RBM26: variants seen among roughly 807,000 people sequenced by gnomAD.
RBM26 encodes the protein RNA-binding protein 26.
Under a neutral mutation model 123.6 loss-of-function variants are expected in RBM26, and 30 were observed. The observed-to-expected ratio is 0.24, with a 90% confidence interval of 0.18 to 0.33. The LOEUF is 0.33. Ranked by LOEUF, RBM26 falls within the 10% of genes least tolerant of loss-of-function variation. The pLI is 1.00. For missense variants in RBM26, 947 were observed against 1,203.6 expected, an observed-to-expected ratio of 0.79 and a Z score of 3.15; for synonymous variants, 400 against 404.4, an observed-to-expected ratio of 0.99 and a Z score of 0.13.
intron 20 of RBM26, among the ~76,000 whole-genome samples, chr13:79,323,618 C>T (rs965626110): frequency 6.6e-6 from 1 of 151,592 alleles, no homozygotes; most frequent in Non-Finnish European, 1.5e-5. Context: ...CTCATCCTTA[C>T]ATTCAGCTAA....
intron 9 of RBM26, among the ~76,000 whole-genome samples, chr13:79,365,208 C>T (rs1247514809): frequency 6.6e-6 from 1 of 152,132 alleles, no homozygotes; most frequent in African/African-American, 2.4e-5. Flanking sequence ...TTTGGGAAGC[C>T]AAGGCGGGCG....
At chr13:79,371,998 G>C in intron 3 of RBM26, 68 bp from the exon 4 acceptor site, 1 of 1,139,422 alleles carries the variant, frequency 8.8e-7, no homozygotes, top group Non-Finnish European at 1.3e-6. Context: ...GCCTTAGATA[G>C]GGCTGGGCAC....
At chr13:79,344,943 C>T (rs746891972) in intron 14 of RBM26, 149 bp from the exon 15 acceptor site, 2 of 675,278 alleles carry the variant, frequency 3.0e-6, no homozygotes, top group Non-Finnish European at 4.5e-6. Context: ...ATAACGAAAT[C>T]ATATTTGGTG....
At chr13:79,372,925 ATATAT>A (rs2076117152) in intron 3 of RBM26, among the ~76,000 whole-genome samples, 1 of 54,810 alleles carries the variant, frequency 1.8e-5, no homozygotes, top group Non-Finnish European at 3.2e-5. Flanking sequence ...ATTTTATATA[ATATAT>A]AAGATATATC....
At position 79,367,406 on chromosome 13, in the gene RBM26, C is replaced by CAAAAAAAAAAAAAAAAAAAAA. The variant is rs776345304; in HGVS notation, c.896-555_896-535dup. Among the ~76,000 whole-genome samples, 168 of 39,602 alleles carry CAAAAAAAAAAAAAAAAAAAAA rather than the reference C, an allele frequency of 4.2e-3. 10 individuals carry two copies. The highest frequency in any genetic ancestry group is 8.4e-3 in the Non-Finnish European group (131 of 15,616). 26.0% of individuals were successfully genotyped at this position (39,602 alleles called of 152,430 possible). On this transcript the variant is annotated intron_variant, in intron 6 of 21. Coordinates refer to ENST00000438737, the MANE Select transcript of RBM26 (RefSeq NM_001366735.2). The stretch of plus-strand genomic sequence containing the variant: ...TGGGGTATAGGGGGAGACTCCATCT[C>CAAAAAAAAAAAAAAAAAAAAA]AAAAAAAAAAAAAAAAAAAAAAAAA...
chr13:79,369,652 T>C (rs1771679869), intron 5 of RBM26, among the ~76,000 whole-genome samples: 1 of 152,216 alleles, frequency 6.6e-6, no homozygotes, highest in African/African-American at 2.4e-5. Flanking sequence ...GGTGCTTTAC[T>C]GAAAAGTGTT....
intron 20 of RBM26, 39 bp from the exon 21 acceptor site, chr13:79,322,501 A>C: frequency 7.2e-7 from 1 of 1,383,370 alleles, no homozygotes; most frequent in South Asian, 1.4e-5. Flanking sequence ...AGACATTAAA[A>C]ATTTCTGAAG....
intron 1 of RBM26, among the ~76,000 whole-genome samples, chr13:79,400,019 T>C (rs1309086860): frequency 6.6e-6 from 1 of 152,078 alleles, no homozygotes; most frequent in Admixed American, 6.6e-5. Context: ...AAATGCAGAG[T>C]AGAGGTTCTA....
chr13:79,354,560 G>A lies in RBM26; in HGVS notation c.1865C>T (p.Pro622Leu). 6.3e-7 allele frequency: 1 copy of A among 1,597,048 alleles called. No individual in the cohort carries two copies. Among genetic ancestry groups the A allele is most frequent in the Non-Finnish European group, 8.6e-7 (1 of 1,168,890 alleles). Reference sequence around the variant, plus strand: ...AGGCAAAATGGGCTGCTGGACTAAAGGCTGCATTACCTCAGAACAAGGAAA... The same window carrying A: ...AGGCAAAATGGGCTGCTGGACTAAAAGCTGCATTACCTCAGAACAAGGAAA... ...LQTTSPKVMQPLVQQPILPVV... is the reference protein window; with the variant it reads ...LQTTSPKVMQLLVQQPILPVV... Residue 622 changes from proline (P) to leucine (L), a missense_variant, in exon 13 of 22, where the codon CCT (proline) becomes CTT (leucine). Physicochemically the swap from Pro to Leu is moderately conservative, Grantham distance 98 (BLOSUM62 -3). Around this residue, in one of 5 missense-constraint regions of RBM26, gnomAD observed 493 missense variants for 563.1 expected, o/e 0.88. Coordinates refer to ENST00000438737, the MANE Select transcript of RBM26 (RefSeq NM_001366735.2).
chr13:79,315,411 G>T (rs2067054694), downstream of RBM26, among the ~76,000 whole-genome samples: 1 of 151,788 alleles, frequency 6.6e-6, no homozygotes, highest in Non-Finnish European at 1.5e-5. Context: ...CAAAGTAATT[G>T]CAAGATACAT....
chr13:79,377,710 T>C (rs1327625038), intron 2 of RBM26, among the ~76,000 whole-genome samples, 195 bp from the exon 3 acceptor site: 1 of 152,096 alleles, frequency 6.6e-6, no homozygotes, highest in Non-Finnish European at 1.5e-5. Context: ...GTGGATCACC[T>C]GAGGTCAGGA....
At chr13:79,356,863 G>T (rs1594270517) in intron 11 of RBM26, among the ~76,000 whole-genome samples, 2 of 152,178 alleles carry the variant, frequency 1.3e-5, no homozygotes, top group African/African-American at 4.8e-5. Flanking sequence ...TTGCCCCTCA[G>T]CTTTAAAAAA....
chr13:79,316,989 T>A (rs9545063), downstream of RBM26, among the ~76,000 whole-genome samples: 53,868 of 151,074 alleles, frequency 0.36, 11,338 homozygotes, highest in Middle Eastern at 0.51. Context: ...TGTTTTTTTT[T>A]TAAAAAAGAG....
chr13:79,405,747 A>G lies in RBM26; in HGVS notation c.28T>C (p.Phe10Leu). 1 of 1,599,336 alleles carries G rather than the reference A, an allele frequency of 6.3e-7. No individual in the cohort carries two copies. The highest frequency in any genetic ancestry group is 8.5e-7 in the Non-Finnish European group (1 of 1,172,498). The change falls in exon 1 of 22, where the codon TTC becomes CTC. Residue 10 changes from phenylalanine (F) to leucine (L), a missense_variant. Physicochemically the swap from Phe to Leu is conservative, Grantham distance 22. Around this residue, in one of 5 missense-constraint regions of RBM26, gnomAD observed 275 missense variants for 361.0 expected, o/e 0.76. Transcript: ENST00000438737. ...CTGAGCCAGGACTTGAGTGCCTCGA[A>G]GTTTTCAATGATCATTTTAGAAACC... is the stretch of plus-strand genomic sequence containing the variant. The part of the protein sequence containing the change: MVSKMIIEN[F>L]EALKSWLSKT...
At chr13:79,315,433 A>C (rs2067056051), downstream of RBM26, among the ~76,000 whole-genome samples, 1 of 151,856 alleles carries the variant, frequency 6.6e-6, no homozygotes, top group Admixed American at 6.6e-5. Context: ...TAATTTCCTT[A>C]AACTCCATAT....
In RBM26 at chr13:79,396,684, G is replaced by T. The variant is rs2078593495; in HGVS notation, c.71+9020C>A. ...CAAAAATTTTAAGGAAAAAAAAATAGAACCCTAAATAAATTTTTTCAGAAA... is the reference window on the plus strand; with the variant it reads ...CAAAAATTTTAAGGAAAAAAAAATATAACCCTAAATAAATTTTTTCAGAAA... On this transcript the variant is annotated intron_variant, in intron 1 of 21. Transcript: ENST00000438737. Among the ~76,000 whole-genome samples, 11 of 151,574 alleles carry T rather than the reference G, an allele frequency of 7.3e-5. 1 individual carries two copies. The South Asian group carries it at 2.3e-3, about 31-fold the overall frequency.
chr13:79,396,768 A>G (rs1179039037), intron 1 of RBM26, among the ~76,000 whole-genome samples: 1 of 152,240 alleles, frequency 6.6e-6, no homozygotes, highest in Non-Finnish European at 1.5e-5. Context: ...ATAATATAAC[A>G]TGACCAAGCC....
chr13:79,365,902 T>A lies in RBM26; in HGVS notation c.1276+153A>T. The A allele has an allele frequency of 1.0e-5, 10 of 976,216 alleles. No homozygotes were observed. In the South Asian group the frequency reaches 1.7e-4, roughly 17 times the overall value. 60.5% of individuals were successfully genotyped at this position (976,216 alleles called of 1,614,324 possible). ...AAAGAAAATGTTTTTTTGAAAACAT[T>A]CAAAACTGAGGGCTTATTTAATGTT... On this transcript the variant is annotated intron_variant, in intron 8 of 21. Coordinates refer to ENST00000438737, the MANE Select transcript of RBM26 (RefSeq NM_001366735.2).
chr13:79,398,115 T>C (rs926342637), intron 1 of RBM26, among the ~76,000 whole-genome samples: 3 of 152,250 alleles, frequency 2.0e-5, no homozygotes, highest in African/African-American at 7.2e-5. Flanking sequence ...AATAAAGTAG[T>C]AGGAGAGTAA....
Sources: allele counts gnomAD v4.1 joint callset (sites outside exome capture counted in the v4.1 genomes callset), GRCh38; gene constraint gnomAD v4.1.1; regional missense constraint gnomAD v4.1.1; transcripts MANE v1.5; gene names NCBI Gene and HGNC (gene_info 2026-07-23, HGNC 2026-07-21).